Variants in BMPR1B observed in about 807,000 individuals in gnomAD.
BMPR1B encodes bone morphogenetic protein receptor type 1B, also known as bone morphogenetic protein receptor type-1B.
BMPR1B carries 12 observed loss-of-function variants against 59.1 expected under a neutral mutation model. The ratio of observed to expected loss-of-function variants is 0.20; its 90% CI spans 0.13 to 0.33. The LOEUF (loss-of-function observed/expected upper bound fraction) is 0.33. Ranked by LOEUF, BMPR1B falls within the 10% of genes least tolerant of loss-of-function variation. The pLI is 1.00. For synonymous variants in BMPR1B, 237 were observed against 207.3 expected (o/e 1.14, Z -1.23); for missense variants, 550 against 610.9 (o/e 0.90, Z 1.05).
chr4:95,129,381 C>CTTTT (rs1417476370), intron 8 of BMPR1B, among the ~76,000 whole-genome samples: 1 of 151,996 alleles, frequency 6.6e-6, no homozygotes, highest in Non-Finnish European at 1.5e-5. Context: ...CCTTCCCTCC[C>CTTTT]TCCTTCCTCC....
At position 94,987,940 on chromosome 4, in the gene BMPR1B, G is replaced by T. The variant is rs372802794; in HGVS notation, c.-112-8100G>T. Among the ~76,000 whole-genome samples, 25 of 152,154 alleles carry T rather than the reference G, an allele frequency of 1.6e-4. No individual in the cohort carries two copies. In the South Asian group the frequency reaches 5.0e-3, roughly 30 times the overall value. On this transcript the variant is annotated intron_variant, in intron 2 of 12. Coordinates refer to ENST00000515059, the MANE Select transcript of BMPR1B (RefSeq NM_001203.3). The stretch of plus-strand genomic sequence containing the variant: ...ATGTCAGATAATGATTTATCATCTG[G>T]ATATTAGAATCATCCAGAGATTAAT...
chr4:95,014,902 T>C (rs1723480639), intron 3 of BMPR1B, among the ~76,000 whole-genome samples: 2 of 152,228 alleles, frequency 1.3e-5, no homozygotes, highest in African/African-American at 4.8e-5. Context: ...AGCAGGGCTA[T>C]GGGGTGGAGT....
chr4:95,083,685 C>T (rs183598209), intron 3 of BMPR1B, among the ~76,000 whole-genome samples: 4 of 152,254 alleles, frequency 2.6e-5, no homozygotes, highest in Admixed American at 2.6e-4. Flanking sequence ...ACTATGCATG[C>T]AGATGCTTCA....
intron 2 of BMPR1B, among the ~76,000 whole-genome samples, chr4:94,929,055 G>T (rs1456786300): frequency 6.6e-6 from 1 of 152,044 alleles, no homozygotes; most frequent in Non-Finnish European, 1.5e-5. Context: ...CAAAGGCAAT[G>T]CCTCCCAACA....
At chr4:94,953,944 T>C (rs2149058146) in intron 2 of BMPR1B, among the ~76,000 whole-genome samples, 1 of 152,326 alleles carries the variant, frequency 6.6e-6, no homozygotes, top group South Asian at 2.1e-4. Flanking sequence ...TCTTGGAGGT[T>C]GGAGGCTTTG....
At chr4:94,998,399 A>G (rs945336668) in intron 3 of BMPR1B, among the ~76,000 whole-genome samples, 14 of 144,996 alleles carry the variant, frequency 9.7e-5, no homozygotes, top group African/African-American at 3.6e-4. Context: ...TTGAGATGGA[A>G]TTTCAATCTT....
intron 2 of BMPR1B, among the ~76,000 whole-genome samples, chr4:94,925,182 A>G (rs1318163916): frequency 6.6e-6 from 1 of 152,108 alleles, no homozygotes; most frequent in Non-Finnish European, 1.5e-5. Context: ...CAAGCATGAC[A>G]TTAAGAATAT....
chr4:94,955,452 C>G (rs1305402286), intron 2 of BMPR1B, among the ~76,000 whole-genome samples: 4 of 152,012 alleles, frequency 2.6e-5, no homozygotes, highest in African/African-American at 9.7e-5. Context: ...GAAGAGTCTT[C>G]CTGTGGGACA....
chr4:95,132,762 G>A (rs372585561), intron 10 of BMPR1B, among the ~76,000 whole-genome samples: 226 of 151,740 alleles, frequency 1.5e-3, no homozygotes, highest in African/African-American at 4.9e-3. Context: ...CATCTGCTTC[G>A]AAAACCCAGC....
At chr4:94,781,196 TGTAA>T (rs1335381105) in intron 1 of BMPR1B, among the ~76,000 whole-genome samples, 1 of 152,170 alleles carries the variant, frequency 6.6e-6, no homozygotes, top group African/African-American at 2.4e-5. Flanking sequence ...GTTATGGAGT[TGTAA>T]GTGTTCTTTA....
intron 3 of BMPR1B, among the ~76,000 whole-genome samples, chr4:95,029,620 G>T (rs914638898): frequency 1.3e-5 from 2 of 152,078 alleles, no homozygotes; most frequent in Non-Finnish European, 2.9e-5. Context: ...AATCCTTTGG[G>T]TATATACCCA....
intron 3 of BMPR1B, among the ~76,000 whole-genome samples, chr4:95,026,010 A>AC (rs1724327226): frequency 6.6e-6 from 1 of 152,226 alleles, no homozygotes; most frequent in African/African-American, 2.4e-5. Flanking sequence ...ACCTGAGGGT[A>AC]CGTCAGGCCT....
At chr4:95,040,907 G>A (rs781158704) in intron 3 of BMPR1B, among the ~76,000 whole-genome samples, 5 of 152,082 alleles carry the variant, frequency 3.3e-5, no homozygotes, top group Admixed American at 6.6e-5. Flanking sequence ...TCATCCACTC[G>A]TGTGCCTTCT....
At chr4:94,933,797 AC>A (rs1729185282) in intron 2 of BMPR1B, among the ~76,000 whole-genome samples, 1 of 152,166 alleles carries the variant, frequency 6.6e-6, no homozygotes, top group Non-Finnish European at 1.5e-5. Flanking sequence ...TACGTGTAAA[AC>A]AGTTGTTAGA....
At chr4:94,804,644 T>C (rs943114745) in intron 1 of BMPR1B, among the ~76,000 whole-genome samples, 2 of 151,240 alleles carry the variant, frequency 1.3e-5, no homozygotes, top group African/African-American at 4.9e-5. Flanking sequence ...ATGAAGGTAT[T>C]TTTCAAAGTA....
chr4:95,152,677 C>T lies in BMPR1B; in HGVS notation c.1287C>T (p.Asp429=), dbSNP rs1289324097. ...AAGAATACCAGCTTCCTTATCATGA[C>T]CTAGTGCCCAGTGACCCCTCTTATG... The part of the protein sequence containing the change: ...IVEEYQLPYH[D]LVPSDPSYED... The change falls in exon 12 of 13, where the codon GAC becomes GAT. Residue 429 remains aspartate (D), a synonymous_variant. Transcript: ENST00000515059. 1 of 1,580,102 alleles carries T rather than the reference C, an allele frequency of 6.3e-7. No individual in the cohort carries two copies.
At chr4:94,912,364 G>A (rs898072089) in intron 2 of BMPR1B, among the ~76,000 whole-genome samples, 2 of 152,108 alleles carry the variant, frequency 1.3e-5, no homozygotes, top group African/African-American at 4.8e-5. Flanking sequence ...AGGTTAGATT[G>A]GAGGGGAGTG....
chr4:95,003,308 C>CT (rs1722585630), intron 3 of BMPR1B, among the ~76,000 whole-genome samples: 1 of 152,068 alleles, frequency 6.6e-6, no homozygotes, highest in African/African-American at 2.4e-5. Context: ...CCCTTTCTCA[C>CT]TTTTTTTGTG....
At chr4:94,932,529 G>T (rs1389368341) in intron 2 of BMPR1B, among the ~76,000 whole-genome samples, 1 of 152,090 alleles carries the variant, frequency 6.6e-6, no homozygotes, top group Non-Finnish European at 1.5e-5. Context: ...CAATTTGAAG[G>T]ATGAGATTCT....
Sources: allele counts gnomAD v4.1 joint callset (sites outside exome capture counted in the v4.1 genomes callset), GRCh38; gene constraint gnomAD v4.1.1; transcripts MANE v1.5; gene names NCBI Gene and HGNC (gene_info 2026-07-23, HGNC 2026-07-21).